The following ARHGAP8 variants were observed in gnomAD, a reference collection of about 807,000 sequenced individuals.
The protein encoded by ARHGAP8 is rho GTPase-activating protein 8.
Under a neutral mutation model 46.1 loss-of-function variants are expected in ARHGAP8, and 62 were observed. That is an observed-to-expected ratio of 1.34 (90% confidence interval 1.10 to 1.66). The LOEUF (loss-of-function observed/expected upper bound fraction) is 1.66. Ranked by LOEUF, ARHGAP8 falls within the 40% of genes most tolerant of loss-of-function variation. The pLI, the probability that ARHGAP8 is intolerant of heterozygous loss-of-function variation, is 0.00. For missense variants in ARHGAP8, 923 were observed against 568.4 expected (o/e 1.62, Z -6.34); for synonymous variants, 375 against 243.1 (o/e 1.54, Z -5.05).
Position 44,779,105 on chromosome 22 carries a change from T to C in ARHGAP8, c.-71-7352T>C, listed in dbSNP as rs1433785090. ...GACTTTTTGGTCTCTGACTTTTTTT[T>C]TTTTTTTTTTTTGAGACAGAGTCTC... On this transcript the variant is annotated intron_variant, in intron 1 of 11. Coordinates refer to ENST00000356099, the MANE Select transcript of ARHGAP8 (RefSeq NM_181335.3). Among the ~76,000 whole-genome samples, 11 of 150,904 alleles carry C rather than the reference T, an allele frequency of 7.3e-5. No individual in the cohort carries two copies. In the East Asian group the frequency reaches 2.0e-3, roughly 27 times the overall value.
chr22:44,798,415 A>G (rs1185499445), intron 2 of ARHGAP8, among the ~76,000 whole-genome samples: 1 of 152,148 alleles, frequency 6.6e-6, no homozygotes, highest in Admixed American at 6.5e-5. Flanking sequence ...GCCTCCAGTC[A>G]TTAGATTTGA....
At chr22:44,802,929 A>G (rs1038023846) in intron 3 of ARHGAP8, among the ~76,000 whole-genome samples, 29 of 152,136 alleles carry the variant, frequency 1.9e-4, no homozygotes, top group Non-Finnish European at 2.9e-5. Flanking sequence ...TCACACTCTG[A>G]GGTTTTGGGT....
At chr22:44,825,168 C>T (rs547471191) in intron 6 of ARHGAP8, among the ~76,000 whole-genome samples, 1 of 152,100 alleles carries the variant, frequency 6.6e-6, no homozygotes, top group African/African-American at 2.4e-5. Flanking sequence ...CTTGCGAGAG[C>T]TGAGGGTGGT....
intron 7 of ARHGAP8, among the ~76,000 whole-genome samples, chr22:44,827,012 T>G (rs2147125249): frequency 6.6e-6 from 1 of 152,156 alleles, no homozygotes; most frequent in Admixed American, 6.5e-5. Flanking sequence ...TCACCTTACA[T>G]GGCAAAAGGG....
intron 1 of ARHGAP8, among the ~76,000 whole-genome samples, chr22:44,753,969 T>A (rs933065483): frequency 1.7e-4 from 26 of 152,202 alleles, no homozygotes; most frequent in African/African-American, 5.8e-4. Context: ...GTTTGTGGAC[T>A]CCTCATTCGA....
chr22:44,828,218 A>G (rs1930673404), intron 7 of ARHGAP8, among the ~76,000 whole-genome samples: 1 of 152,192 alleles, frequency 6.6e-6, no homozygotes, highest in Non-Finnish European at 1.5e-5. Flanking sequence ...TATATCTGGA[A>G]CACACATTTT....
At position 44,791,561 on chromosome 22, in the gene ARHGAP8, G is replaced by A. The variant is rs369128609; in HGVS notation, c.79+4955G>A. Reference sequence around the variant, plus strand: ...TGTACTAAAAATACACAAATTAGCCGGGCGTGATGGTGGGCACCTGTAATC... The same window carrying A: ...TGTACTAAAAATACACAAATTAGCCAGGCGTGATGGTGGGCACCTGTAATC... On this transcript the variant is annotated intron_variant, in intron 2 of 11. Coordinates refer to ENST00000356099, the MANE Select transcript of ARHGAP8 (RefSeq NM_181335.3). 5.3e-5 allele frequency among the ~76,000 whole-genome samples: 8 copies of A among 152,172 alleles called. No homozygotes were observed. In the South Asian group the frequency reaches 1.2e-3, roughly 24 times the overall value.
intron 3 of ARHGAP8, among the ~76,000 whole-genome samples, chr22:44,806,782 G>A (rs917533260): frequency 2.0e-5 from 3 of 151,804 alleles, no homozygotes; most frequent in South Asian, 2.1e-4. Context: ...GTGAAACCCC[G>A]CCTCTACTAA....
chr22:44,821,301 G>A lies in ARHGAP8; in HGVS notation c.387-1070G>A, dbSNP rs142305979. Among the ~76,000 whole-genome samples the A allele has an allele frequency of 5.5e-3, 838 of 152,102 alleles. 6 individuals are homozygous for A. The highest frequency in any genetic ancestry group is 0.01 in the Middle Eastern group (3 of 294). ...AAAAATTAGCCAGGCGTGGTGGTGT[G>A]CACCTTAATCCCAGCTACTTGGGAG... On this transcript the variant is annotated intron_variant, in intron 5 of 11. Coordinates refer to ENST00000356099, the MANE Select transcript of ARHGAP8 (RefSeq NM_181335.3).
At chr22:44,793,720 G>T (rs1313413617) in intron 2 of ARHGAP8, among the ~76,000 whole-genome samples, 1 of 152,174 alleles carries the variant, frequency 6.6e-6, no homozygotes, top group Non-Finnish European at 1.5e-5. Flanking sequence ...GAGTGATGTG[G>T]TGTTGTAAAC....
chr22:44,859,871 G>C (rs200547735), intron 11 of ARHGAP8, 37 bp downstream of exon 11: 5 of 1,605,282 alleles, frequency 3.1e-6, no homozygotes, highest in African/African-American at 2.7e-5. Flanking sequence ...GTGAAGCCCA[G>C]TGGCCTTCCC....
At chr22:44,834,517 G>A (rs1402958628) in intron 7 of ARHGAP8, among the ~76,000 whole-genome samples, 4 of 151,964 alleles carry the variant, frequency 2.6e-5, no homozygotes, top group African/African-American at 9.7e-5. Context: ...CTTGTTATGT[G>A]GTATAACATA....
rs563958050 is a variant in ARHGAP8, at chr22:44,773,511, C to T, written c.-71-12946C>T. Reference sequence around the variant, plus strand: ...GTTAGCAGAACATTAACATACTTCACAGGACAGATGTTTTATGACACCAGG... The same window carrying T: ...GTTAGCAGAACATTAACATACTTCATAGGACAGATGTTTTATGACACCAGG... On this transcript the variant is annotated intron_variant, in intron 1 of 11. Coordinates refer to ENST00000356099, the MANE Select transcript of ARHGAP8 (RefSeq NM_181335.3). 3.9e-5 allele frequency among the ~76,000 whole-genome samples: 6 copies of T among 152,312 alleles called. No individual in the cohort carries two copies. In the South Asian group the frequency reaches 1.2e-3, roughly 32 times the overall value.
chr22:44,768,353 G>A (rs978328723), intron 1 of ARHGAP8, among the ~76,000 whole-genome samples: 1 of 151,858 alleles, frequency 6.6e-6, no homozygotes. Flanking sequence ...AGGCTGAAGG[G>A]CAGTGGCGCA....
intron 7 of ARHGAP8, among the ~76,000 whole-genome samples, chr22:44,827,292 C>G (rs1369799589): frequency 6.7e-6 from 1 of 149,200 alleles, no homozygotes; most frequent in Non-Finnish European, 1.5e-5. Context: ...CTTTTTGACT[C>G]CTGACACCTC....
chr22:44,849,239 GC>G, intron 10 of ARHGAP8, 179 bp downstream of exon 10: 1 of 1,199,788 alleles, frequency 8.3e-7, no homozygotes, highest in Non-Finnish European at 1.1e-6. Flanking sequence ...ACCATGCACA[GC>G]CAGTCCACAC....
Position 44,862,579 on chromosome 22 carries a change from C to G in ARHGAP8, c.1286C>G (p.Ala429Gly), listed in dbSNP as rs778388116. 2.5e-6 allele frequency: 4 copies of G among 1,585,488 alleles called. No individual in the cohort carries two copies. Among genetic ancestry groups the G allele is most frequent in the Non-Finnish European group, 3.4e-6 (4 of 1,160,396 alleles). Residue 429 changes from alanine (A) to glycine (G), a missense_variant, in exon 12 of 12, where the codon GCC (alanine) becomes GGC (glycine). Transcript: ENST00000356099. ...PTLPPSPLMA[A>G]RRRL ...CTACCTCCGAGTCCCCTGATGGCAGCCAGAAGACGTCTCTAGTGTTGCGAA... is the reference window on the plus strand; with the variant it reads ...CTACCTCCGAGTCCCCTGATGGCAGGCAGAAGACGTCTCTAGTGTTGCGAA...
intron 8 of ARHGAP8, 125 bp downstream of exon 8, chr22:44,845,467 C>T: frequency 3.1e-6 from 4 of 1,302,920 alleles, no homozygotes; most frequent in South Asian, 2.7e-5. Flanking sequence ...GGGGCTCAAG[C>T]ACAGTGGCTC....
chr22:44,771,242 A>ATTTTTTTTT (rs368256843), intron 1 of ARHGAP8, among the ~76,000 whole-genome samples: 8 of 108,296 alleles, frequency 7.4e-5, no homozygotes, highest in Non-Finnish European at 1.3e-4. Context: ...TTGCAAGTAA[A>ATTTTTTTTT]TTTTTTTTTT....
Sources: gnomAD v4.1 joint callset for allele counts (sites outside exome capture counted in the v4.1 genomes callset) on GRCh38, gnomAD v4.1.1 for gene constraint, MANE v1.5 for transcripts, NCBI Gene and HGNC (gene_info 2026-07-23, HGNC 2026-07-21) for gene names.